PLEK2: variants seen among roughly 807,000 people sequenced by gnomAD.
The protein encoded by PLEK2 is pleckstrin 2, also known as pleckstrin-2.
Under a neutral mutation model 43.8 loss-of-function variants are expected in PLEK2, and 29 were observed. The observed-to-expected ratio is 0.66, with a 90% CI of 0.49 to 0.90. The LOEUF is 0.90. PLEK2 is among the 40% of genes least tolerant of loss of function. The probability of loss-of-function intolerance (pLI) is 0.00; values close to 1 mark genes in which losing one functional copy is unlikely to be tolerated. For synonymous variants in PLEK2, 162 were observed against 173.2 expected, an observed-to-expected ratio of 0.94 and a Z score of 0.51; for missense variants, 398 against 448.1, an observed-to-expected ratio of 0.89 and a Z score of 1.01.
At chr14:67,404,183 T>C (rs1413989530) in intron 1 of PLEK2, among the ~76,000 whole-genome samples, 13 of 152,196 alleles carry the variant, frequency 8.5e-5, no homozygotes, top group Admixed American at 8.5e-4. Context: ...TAGTGCCTGG[T>C]GTAGCTGCAG....
In PLEK2 at chr14:67,392,359, G is replaced by A. The variant is rs1407142736; in HGVS notation, c.738C>T (p.Gly246=). ...EISLSTVELS[G]TVVKQGYLAK... is the part of the protein sequence containing the mutation. ...CCAGGTAGCCTTGTTTCACCACCGT[G>A]CCACTTAACTCCACAGTGCTCAGGC... Residue 246 remains glycine, a synonymous_variant, in exon 6 of 9, where the codon GGC becomes GGT. Coordinates refer to ENST00000216446, the MANE Select transcript of PLEK2 (RefSeq NM_016445.3). 3 of 1,613,122 alleles carry A rather than the reference G, an allele frequency of 1.9e-6. No homozygotes were observed. Among genetic ancestry groups the A allele is most frequent in the Non-Finnish European group, 2.5e-6 (3 of 1,179,228 alleles).
At chr14:67,388,189 G>A (rs1455327746) in intron 8 of PLEK2, 35 bp downstream of exon 8, 4 of 1,418,326 alleles carry the variant, frequency 2.8e-6, no homozygotes, top group Non-Finnish European at 4.0e-6. Context: ...GGAGGCCCCT[G>A]AGATCTTCAG....
chr14:67,395,124 A>G (rs1326568634), intron 3 of PLEK2, among the ~76,000 whole-genome samples: 1 of 152,182 alleles, frequency 6.6e-6, no homozygotes, highest in Admixed American at 6.5e-5. Flanking sequence ...AGCCCTGAGC[A>G]CCCTGGCTGA....
chr14:67,394,920 G>A (rs1397577661), intron 3 of PLEK2, among the ~76,000 whole-genome samples: 1 of 152,142 alleles, frequency 6.6e-6, no homozygotes, highest in Non-Finnish European at 1.5e-5. Flanking sequence ...GTGATGCCCT[G>A]CACTGCCTCA....
In PLEK2 at chr14:67,397,780, T is replaced by A; in HGVS notation, c.89A>T (p.Gln30Leu). 6.2e-7 allele frequency: 1 copy of A among 1,613,316 alleles called. No homozygotes were observed. Among genetic ancestry groups the A allele is most frequent in the Non-Finnish European group, 8.5e-7 (1 of 1,179,612 alleles). The change falls in exon 2 of 9, where the codon CAG (glutamine) becomes CTG (leucine). Residue 30 changes from glutamine to leucine, a missense_variant. Gln to Leu is a moderately radical substitution (Grantham distance 113). Transcript: ENST00000216446. ...NWKARWFILR[Q>L]NTLVYYKLEG... ...AAGCTTGTAGTACACCAGCGTGTTC[T>A]GCCGAAGGATGAACCATCGCGCCTT...
At chr14:67,397,956 A>T in intron 1 of PLEK2, 130 bp from the exon 2 acceptor site, 1 of 681,638 alleles carries the variant, frequency 1.5e-6, no homozygotes, top group Non-Finnish European at 2.4e-6. Flanking sequence ...AGACAGCAGG[A>T]TTTGTGTCTG....
At position 67,399,883 on chromosome 14, in the gene PLEK2, G is replaced by A. The variant is rs189269053; in HGVS notation, c.43-2057C>T. ...CTGCTGAGGGATCAGAAAGGAATGA[G>A]TTTAGTACACAGTCACAAAAGCACC... On this transcript the variant is annotated intron_variant, in intron 1 of 8. Coordinates refer to ENST00000216446, the MANE Select transcript of PLEK2 (RefSeq NM_016445.3). Among the ~76,000 whole-genome samples, 7 of 152,220 alleles carry A rather than the reference G, an allele frequency of 4.6e-5. No individual in the cohort carries two copies. The East Asian group carries it at 9.6e-4, about 21-fold the overall frequency.
intron 1 of PLEK2, among the ~76,000 whole-genome samples, chr14:67,407,268 C>T (rs1182569928): frequency 6.6e-6 from 1 of 151,750 alleles, no homozygotes; most frequent in African/African-American, 2.4e-5. Flanking sequence ...ATTAGAGGCA[C>T]CCATCACCAC....
chr14:67,402,984 G>A (rs1167925938), intron 1 of PLEK2, among the ~76,000 whole-genome samples: 1 of 152,020 alleles, frequency 6.6e-6, no homozygotes, highest in Non-Finnish European at 1.5e-5. Flanking sequence ...ATATTTTTTT[G>A]AGGAGCCTCT....
chr14:67,389,844 C>T (rs1175846764), intron 7 of PLEK2, among the ~76,000 whole-genome samples: 1 of 151,340 alleles, frequency 6.6e-6, no homozygotes, highest in Non-Finnish European at 1.5e-5. Context: ...TTTGAGGTAG[C>T]CAGAAAGGAA....
chr14:67,396,917 G>A (rs2086014563), intron 2 of PLEK2, among the ~76,000 whole-genome samples: 1 of 151,396 alleles, frequency 6.6e-6, no homozygotes, highest in South Asian at 2.1e-4. Flanking sequence ...CACATGATGG[G>A]CCCTTGATAA....
intron 1 of PLEK2, among the ~76,000 whole-genome samples, chr14:67,409,267 G>A (rs545222316): frequency 1.3e-5 from 2 of 149,342 alleles, no homozygotes; most frequent in Admixed American, 1.3e-4. Context: ...GTAACAGGGG[G>A]GTGTGGTGAC....
intron 1 of PLEK2, among the ~76,000 whole-genome samples, chr14:67,401,841 C>T (rs1279540941): frequency 1.3e-5 from 2 of 151,926 alleles, no homozygotes; most frequent in Admixed American, 1.3e-4. Context: ...AATACAAATA[C>T]AGGCCGGCGC....
chr14:67,410,841 T>C (rs1369444623), intron 1 of PLEK2, among the ~76,000 whole-genome samples: 1 of 152,092 alleles, frequency 6.6e-6, no homozygotes, highest in Non-Finnish European at 1.5e-5. Context: ...AAATGGTTAG[T>C]GTTAATGTCA....
At chr14:67,403,488 C>A (rs905284285) in intron 1 of PLEK2, among the ~76,000 whole-genome samples, 4 of 152,164 alleles carry the variant, frequency 2.6e-5, no homozygotes, top group African/African-American at 9.7e-5. Flanking sequence ...CTATGGCATC[C>A]CAGCCAAATA....
chr14:67,398,002 C>T (rs2086022934), intron 1 of PLEK2, 176 bp from the exon 2 acceptor site: 3 of 445,290 alleles, frequency 6.7e-6, no homozygotes, highest in Admixed American at 8.4e-5. Flanking sequence ...ACCTTTGGCA[C>T]TGACCTTCTA....
chr14:67,394,847 G>A (rs1358209378), intron 3 of PLEK2, among the ~76,000 whole-genome samples: 1 of 152,150 alleles, frequency 6.6e-6, no homozygotes, highest in Non-Finnish European at 1.5e-5. Flanking sequence ...AATGGGACTG[G>A]TGGCTTTATA....
At chr14:67,393,776 G>A (rs1007612155) in intron 3 of PLEK2, among the ~76,000 whole-genome samples, 2 of 152,102 alleles carry the variant, frequency 1.3e-5, no homozygotes, top group Non-Finnish European at 2.9e-5. Flanking sequence ...TTTGACTCCT[G>A]CATACCACGG....
At chr14:67,406,084 C>A (rs1207976763) in intron 1 of PLEK2, among the ~76,000 whole-genome samples, 1 of 152,012 alleles carries the variant, frequency 6.6e-6, no homozygotes, top group Admixed American at 6.6e-5. Flanking sequence ...AAAGGTTAAA[C>A]CCCGTCTCTA....
Sources: gnomAD v4.1 joint callset for allele counts (sites outside exome capture counted in the v4.1 genomes callset) on GRCh38, gnomAD v4.1.1 for gene constraint, MANE v1.5 for transcripts, NCBI Gene and HGNC (gene_info 2026-07-23, HGNC 2026-07-21) for gene names.